DENND4C: variants seen among roughly 807,000 people sequenced by gnomAD.
DENND4C encodes the protein DENN domain containing 4C.
In DENND4C, 108 loss-of-function variants were observed where a neutral mutation model predicts 203.0. The ratio of observed to expected loss-of-function variants is 0.53; its 90% CI spans 0.46 to 0.62. The LOEUF is 0.62. Among genes scored for constraint, DENND4C ranks in the 20% least tolerant of loss-of-function variants. The pLI is 0.00. For synonymous variants in DENND4C, 871 were observed against 792.4 expected (o/e 1.10, Z -1.67); for missense variants, 2,481 against 2,301.2 (o/e 1.08, Z -1.60).
At chr9:19,269,315 C>T (rs1164442754) in intron 1 of DENND4C, among the ~76,000 whole-genome samples, 1 of 152,120 alleles carries the variant, frequency 6.6e-6, no homozygotes, top group African/African-American at 2.4e-5. Context: ...TGCCCGCTAC[C>T]ATGCCCGGCT....
intron 1 of DENND4C, among the ~76,000 whole-genome samples, chr9:19,248,864 C>T (rs1466693214): frequency 6.6e-6 from 1 of 151,652 alleles, no homozygotes; most frequent in African/African-American, 2.4e-5. Flanking sequence ...GTGGCACGAT[C>T]TCAGCTCACT....
intron 9 of DENND4C, 116 bp downstream of exon 9, chr9:19,300,447 T>C (rs1838327375): frequency 9.7e-7 from 1 of 1,026,614 alleles, no homozygotes. Flanking sequence ...AAAAAGGAAC[T>C]TTGAAAAATT....
Position 19,336,931 on chromosome 9 carries a change from C to G in DENND4C, c.2881+99C>G, listed in dbSNP as rs187215322. On this transcript the variant is annotated intron_variant, in intron 20 of 32. Transcript: ENST00000434457. ...CCATTCTTGAGTTTGTGTGATATGA[C>G]TACTTTAAAAGTACTGTATGCTTAC... 1.6e-4 allele frequency: 191 copies of G among 1,185,104 alleles called. No homozygotes were observed. The East Asian group carries it at 2.2e-3, about 14-fold the overall frequency. The allele number at this position is 1,185,104 out of a possible 1,614,324, so 73.4% of individuals were successfully genotyped here.
chr9:19,324,205 A>G (rs561262656), intron 12 of DENND4C, among the ~76,000 whole-genome samples, 157 bp from the exon 13 acceptor site: 9 of 152,152 alleles, frequency 5.9e-5, no homozygotes, highest in Non-Finnish European at 1.2e-4. Flanking sequence ...AGCATTTCAG[A>G]TAAGAGATAC....
At chr9:19,248,436 C>G (rs569059064) in intron 1 of DENND4C, among the ~76,000 whole-genome samples, 6 of 152,148 alleles carry the variant, frequency 3.9e-5, no homozygotes, top group Admixed American at 3.9e-4. Flanking sequence ...GTTGCCCAGG[C>G]TGGAGTACAA....
intron 1 of DENND4C, among the ~76,000 whole-genome samples, chr9:19,232,690 A>C (rs1820883557): frequency 6.6e-6 from 1 of 152,156 alleles, no homozygotes; most frequent in African/African-American, 2.4e-5. Flanking sequence ...CTTAAAACGC[A>C]AATGTTTTAA....
intron 5 of DENND4C, among the ~76,000 whole-genome samples, chr9:19,294,341 A>C (rs1000854436): frequency 1.3e-5 from 2 of 152,144 alleles, no homozygotes; most frequent in African/African-American, 4.8e-5. Context: ...CAAAGACAGC[A>C]AAGGAATAAA....
intron 1 of DENND4C, among the ~76,000 whole-genome samples, chr9:19,240,384 G>C (rs765648522): frequency 6.6e-6 from 1 of 152,040 alleles, no homozygotes; most frequent in Non-Finnish European, 1.5e-5. Context: ...AAAAGGGCCG[G>C]GAACCAGGCA....
chr9:19,343,050 A>G (rs1822010446), intron 22 of DENND4C, among the ~76,000 whole-genome samples: 1 of 152,286 alleles, frequency 6.6e-6, no homozygotes, highest in East Asian at 1.9e-4. Context: ...CTTTCTCATT[A>G]TAGATAATAA....
At chr9:19,241,201 CA>C (rs1419084712) in intron 1 of DENND4C, among the ~76,000 whole-genome samples, 1 of 152,080 alleles carries the variant, frequency 6.6e-6, no homozygotes, top group Admixed American at 6.6e-5. Context: ...CTAAATTCAT[CA>C]AATTTTTTTC....
chr9:19,256,139 T>C (rs1180048167), intron 1 of DENND4C, among the ~76,000 whole-genome samples: 1 of 151,594 alleles, frequency 6.6e-6, no homozygotes, highest in Non-Finnish European at 1.5e-5. Context: ...TTGATAACTA[T>C]GAAAGAATTT....
In DENND4C at chr9:19,373,184, A is replaced by C. The variant is rs1201570848; in HGVS notation, c.*1011A>C. On this transcript the variant is annotated 3_prime_UTR_variant, in exon 33 of 33. Coordinates refer to ENST00000434457, the MANE Select transcript of DENND4C (RefSeq NM_001330640.2). ...CAAAAACCGCAATTATTTTTGTACC[A>C]ACATAATACACCTTTCATATTATGT... 5 of 152,176 alleles carry C rather than the reference A, an allele frequency of 3.3e-5. No individual in the cohort carries two copies. The highest frequency in any genetic ancestry group is 3.3e-4 in the Admixed American group (5 of 15,278). 9.4% of individuals were successfully genotyped at this position (152,176 alleles called of 1,614,324 possible). A position where few individuals can be genotyped will look rare whatever the true frequency, so the allele number is the denominator to read the frequency against.
chr9:19,351,866 A>G (rs114000772), intron 24 of DENND4C, among the ~76,000 whole-genome samples: 2,935 of 152,078 alleles, frequency 0.019, 104 homozygotes, highest in African/African-American at 0.067. Context: ...AAAGAATCGT[A>G]TAATGAACAA....
At chr9:19,233,596 C>G (rs935627904) in intron 1 of DENND4C, among the ~76,000 whole-genome samples, 1 of 121,154 alleles carries the variant, frequency 8.3e-6, no homozygotes, top group African/African-American at 3.1e-5. Flanking sequence ...AGTCTCGCTT[C>G]GTCACCCAAG....
Position 19,358,764 on chromosome 9 carries a change from T to C in DENND4C, c.5160+604T>C, listed in dbSNP as rs1825888782. Among the ~76,000 whole-genome samples, 1 of 151,858 alleles carries C rather than the reference T, an allele frequency of 6.6e-6. No individual in the cohort carries two copies. Among genetic ancestry groups the C allele is most frequent in the South Asian group, 2.1e-4 (1 of 4,836 alleles). On this transcript the variant is annotated intron_variant, in intron 28 of 32. Coordinates refer to ENST00000434457, the MANE Select transcript of DENND4C (RefSeq NM_001330640.2). This position sits in a 1 kb window ranked among gnomAD's most constrained non-coding sequence, Gnocchi z 4.8. ...CAATTTATTTGTTGATAAAACTGGT[T>C]AGAGTACAGTTTTCCATAATCCAGA...
At chr9:19,293,915 C>T (rs1020416238) in intron 5 of DENND4C, among the ~76,000 whole-genome samples, 4 of 152,140 alleles carry the variant, frequency 2.6e-5, no homozygotes, top group African/African-American at 9.7e-5. Context: ...TCAGTAGTTG[C>T]TTTGATATGT....
At chr9:19,233,617 G>T (rs1404795722) in intron 1 of DENND4C, among the ~76,000 whole-genome samples, 1 of 142,766 alleles carries the variant, frequency 7.0e-6, no homozygotes, top group Non-Finnish European at 1.5e-5. Flanking sequence ...CTGGAGTGCA[G>T]TGGTGTGATC....
intron 2 of DENND4C, among the ~76,000 whole-genome samples, chr9:19,286,006 C>A (rs1216149190): frequency 6.6e-6 from 1 of 152,092 alleles, no homozygotes; most frequent in African/African-American, 2.4e-5. Flanking sequence ...CAACTTTCTT[C>A]TTTTTCCAGA....
intron 22 of DENND4C, 102 bp downstream of exon 22, chr9:19,342,881 T>C (rs1821964892): frequency 9.0e-6 from 9 of 1,000,152 alleles, no homozygotes; most frequent in Non-Finnish European, 1.2e-5. Context: ...GTAATGAACA[T>C]GCTAAAGAGC....
Sources: gnomAD v4.1 joint callset for allele counts (sites outside exome capture counted in the v4.1 genomes callset) on GRCh38, gnomAD v4.1.1 for gene constraint, Gnocchi (gnomAD v3.1) non-coding constraint, MANE v1.5 for transcripts, NCBI Gene and HGNC (gene_info 2026-07-23, HGNC 2026-07-21) for gene names.